Variants in ALDH7A1 observed in about 807,000 individuals in gnomAD.
ALDH7A1 encodes aldehyde dehydrogenase 7 family member A1.
ALDH7A1 carries 63 observed loss-of-function variants against 79.9 expected under a neutral mutation model. The observed-to-expected ratio is 0.79, with a 90% CI of 0.64 to 0.97. The LOEUF (loss-of-function observed/expected upper bound fraction) is 0.97. Among genes scored for constraint, ALDH7A1 ranks in the 50% least tolerant of loss-of-function variants. ALDH7A1 has a pLI of 0.00. For synonymous variants in ALDH7A1, 240 were observed against 231.2 expected (o/e 1.04, Z -0.34); for missense variants, 627 against 665.2 (o/e 0.94, Z 0.63).
Position 126,552,054 on chromosome 5 carries a change from A to G in ALDH7A1, c.1284T>C (p.Thr428=), listed in dbSNP as rs762723665. The G allele has an allele frequency of 1.2e-6, 2 of 1,613,926 alleles. No homozygotes were observed. Among genetic ancestry groups the G allele is most frequent in the Non-Finnish European group, 1.7e-6 (2 of 1,179,990 alleles). The change falls in exon 14 of 18, where the codon ACT becomes ACC. Residue 428 remains threonine, a synonymous_variant. Coordinates refer to ENST00000409134, the MANE Select transcript of ALDH7A1 (RefSeq NM_001182.5). ...TAAAGACATAGAGAATCGGAGCAAAAGTCTCTGTGTGTGCAATGGACGCAT... is the reference window on the plus strand; with the variant it reads ...TAAAGACATAGAGAATCGGAGCAAAGGTCTCTGTGTGTGCAATGGACGCAT... ...GHDASIAHTE[T]FAPILYVFKF...
intron 5 of ALDH7A1, chr5:126,581,620 T>A (rs1038045339): frequency 6.6e-6 from 1 of 151,860 alleles, no homozygotes; most frequent in Non-Finnish European, 1.5e-5. Context: ...AAATCCTGTC[T>A]CAAAAAAAGA....
At chr5:126,558,998 A>C (rs1340670513) in intron 11 of ALDH7A1, among the ~76,000 whole-genome samples, 1 of 152,240 alleles carries the variant, frequency 6.6e-6, no homozygotes, top group Non-Finnish European at 1.5e-5. Context: ...CTCATCTCCT[A>C]GTCCAACTCC....
chr5:126,576,300 G>GTT (rs1176641412), intron 6 of ALDH7A1, among the ~76,000 whole-genome samples: 2 of 149,690 alleles, frequency 1.3e-5, no homozygotes, highest in Admixed American at 1.3e-4. Context: ...GACAAGCAGA[G>GTT]TTTTTTCTCT....
chr5:126,592,658 A>C lies in ALDH7A1; in HGVS notation c.312+6T>G, dbSNP rs761501683. 2.3e-5 allele frequency: 37 copies of C among 1,613,460 alleles called. No homozygotes were observed. Among genetic ancestry groups the C allele is most frequent in the Non-Finnish European group, 3.1e-5 (36 of 1,179,548 alleles). On this transcript the variant is annotated splice_donor_region_variant and intron_variant, in intron 3 of 17. Transcript: ENST00000409134. ...TCTGAATTCTAGAAACAAAGGCCAT[A>C]CTTACATCTGCCCAGATTTTCCATG... is the stretch of plus-strand genomic sequence containing the variant.
Position 126,544,960 on chromosome 5 carries a change from C to T in ALDH7A1, c.*5G>A, listed in dbSNP as rs759591318. 35 of 1,605,222 alleles carry T rather than the reference C, an allele frequency of 2.2e-5. No homozygotes were observed. The highest frequency in any genetic ancestry group is 2.7e-5 in the Non-Finnish European group (32 of 1,172,208). ...CAAATTAAGGGATGTTCATCTAAAACACCTTTACTGAAACTTGATTCCTTG... is the reference window on the plus strand; with the variant it reads ...CAAATTAAGGGATGTTCATCTAAAATACCTTTACTGAAACTTGATTCCTTG... On this transcript the variant is annotated 3_prime_UTR_variant, in exon 18 of 18. Transcript: ENST00000409134.
intron 7 of ALDH7A1, chr5:126,571,148 A>C (rs1750756457): frequency 3.9e-6 from 1 of 254,862 alleles, no homozygotes. Context: ...AACTATTAGC[A>C]GATTTTTTTT....
chr5:126,590,217 G>A (rs1305056976), intron 3 of ALDH7A1, among the ~76,000 whole-genome samples: 1 of 151,880 alleles, frequency 6.6e-6, no homozygotes, highest in Non-Finnish European at 1.5e-5. Context: ...GGGAAGTGAG[G>A]AGCGCCTCTG....
intron 3 of ALDH7A1, chr5:126,585,999 T>C (rs1284680775): frequency 1.3e-5 from 2 of 152,198 alleles, no homozygotes; most frequent in African/African-American, 2.4e-5. Flanking sequence ...GATTGGTTAA[T>C]TACGGAACAG....
intron 9 of ALDH7A1, chr5:126,567,903 C>T (rs1408581629): frequency 3.3e-6 from 1 of 306,546 alleles, no homozygotes; most frequent in Non-Finnish European, 6.3e-6. Context: ...CTTGCCTCAG[C>T]CTCCCGAGTA....
At chr5:126,549,474 G>A (rs1749914854) in intron 16 of ALDH7A1, 2 of 165,392 alleles carry the variant, frequency 1.2e-5, no homozygotes, top group South Asian at 1.6e-4. Flanking sequence ...AATAATGTAT[G>A]GCTTATTAAG....
intron 5 of ALDH7A1, among the ~76,000 whole-genome samples, chr5:126,578,547 G>A (rs767637888): frequency 6.7e-6 from 1 of 149,832 alleles, no homozygotes; most frequent in African/African-American, 2.5e-5. Flanking sequence ...GGAGGCTGAG[G>A]AGAACTGCTT....
At position 126,554,109 on chromosome 5, in the gene ALDH7A1, A is replaced by C. The variant is rs114816698; in HGVS notation, c.1200+178T>G. ...GGCACAGAGTAAGACTCTGTCTCAA[A>C]AACAGACAAACAAACAAAAACATGT... On this transcript the variant is annotated intron_variant, in intron 13 of 17. Transcript: ENST00000409134. 0.023 allele frequency among the ~76,000 whole-genome samples: 3,507 copies of C among 152,294 alleles called. 151 individuals carry two copies. The highest frequency in any genetic ancestry group is 0.08 in the African/African-American group (3,312 of 41,538).
intron 3 of ALDH7A1, chr5:126,587,202 T>C (rs1166321241): frequency 6.6e-6 from 1 of 152,032 alleles, no homozygotes; most frequent in Non-Finnish European, 1.5e-5. Context: ...ACGGCAGAAA[T>C]GGGCTACATT....
At chr5:126,572,679 C>A (rs905874880) in intron 7 of ALDH7A1, among the ~76,000 whole-genome samples, 2 of 152,290 alleles carry the variant, frequency 1.3e-5, no homozygotes, top group Middle Eastern at 3.4e-3. Context: ...AACTGCATGT[C>A]CCTGTGGCCC....
intron 3 of ALDH7A1, among the ~76,000 whole-genome samples, chr5:126,590,628 T>C (rs1415915870): frequency 2.0e-5 from 3 of 152,184 alleles, no homozygotes; most frequent in African/African-American, 7.2e-5. Context: ...TTCACGCCTG[T>C]AATCCCAGCA....
At chr5:126,558,112 G>A (rs1325650037) in intron 11 of ALDH7A1, among the ~76,000 whole-genome samples, 5 of 131,312 alleles carry the variant, frequency 3.8e-5, no homozygotes, top group African/African-American at 1.1e-4. Flanking sequence ...AGGTTGCAGT[G>A]AGCAAGATCG....
chr5:126,557,459 T>A (rs1013934683), intron 11 of ALDH7A1, among the ~76,000 whole-genome samples: 1 of 151,602 alleles, frequency 6.6e-6, no homozygotes, highest in Non-Finnish European at 1.5e-5. Flanking sequence ...CGGTGATGGG[T>A]GCCTGTAGTG....
intron 13 of ALDH7A1, among the ~76,000 whole-genome samples, chr5:126,552,887 C>T (rs1334112955): frequency 2.0e-5 from 3 of 151,876 alleles, no homozygotes; most frequent in African/African-American, 4.8e-5. Flanking sequence ...GTAGCTAGCA[C>T]TACATGTGCA....
At chr5:126,586,107 A>C (rs1409152764) in intron 3 of ALDH7A1, 2 of 152,222 alleles carry the variant, frequency 1.3e-5, no homozygotes, top group Non-Finnish European at 2.9e-5. Context: ...CTTTTGCTTA[A>C]ATTTGGAGCA....
Sources: allele counts gnomAD v4.1 joint callset (sites outside exome capture counted in the v4.1 genomes callset), GRCh38; gene constraint gnomAD v4.1.1; transcripts MANE v1.5; gene names NCBI Gene and HGNC (gene_info 2026-07-23, HGNC 2026-07-21).